ACTR3: variants seen among roughly 807,000 people sequenced by gnomAD.
ACTR3 encodes the protein actin related protein 3.
ACTR3 carries 12 observed loss-of-function variants against 56.8 expected under a neutral mutation model. The observed-to-expected ratio is 0.21, with a 90% confidence interval of 0.14 to 0.34. The LOEUF (loss-of-function observed/expected upper bound fraction) is 0.34, where lower values mean the gene tolerates loss of function less well. ACTR3 is among the 10% of genes least tolerant of loss of function. The pLI is 1.00. For synonymous variants in ACTR3, 162 were observed against 167.4 expected (o/e 0.97, Z 0.25); for missense variants, 282 against 512.5 (o/e 0.55, Z 4.34).
intron 11 of ACTR3, among the ~76,000 whole-genome samples, chr2:113,956,169 C>T (rs902512622): frequency 6.6e-6 from 1 of 151,912 alleles, no homozygotes; most frequent in African/African-American, 2.4e-5. Context: ...GCTGAGTTTA[C>T]AGGTGTGAGC....
At chr2:113,894,093 C>CT (rs142698815) in intron 1 of ACTR3, among the ~76,000 whole-genome samples, 2,814 of 143,856 alleles carry the variant, frequency 0.02, 89 homozygotes, top group African/African-American at 0.065. Context: ...AATGCTGTTT[C>CT]TTTTTTTTTT....
At chr2:113,911,937 A>G (rs1194221708) in intron 1 of ACTR3, among the ~76,000 whole-genome samples, 2 of 151,908 alleles carry the variant, frequency 1.3e-5, no homozygotes, top group East Asian at 3.9e-4. Flanking sequence ...GGGTTTCACC[A>G]TGTTGGTTAG....
Position 113,927,329 on chromosome 2 carries a change from CT to C in ACTR3, c.226-11del. Reference sequence around the variant, plus strand: ...TTAATAAGATTTAATTTGTATTTCCCTTTTTGTTTTAATAGTGGCCAATCCG... The same window carrying C: ...TTAATAAGATTTAATTTGTATTTCCCTTTTGTTTTAATAGTGGCCAATCCG... On this transcript the variant is annotated splice_polypyrimidine_tract_variant and intron_variant, in intron 3 of 11. Coordinates refer to ENST00000263238, the MANE Select transcript of ACTR3 (RefSeq NM_005721.5). 3 of 1,474,788 alleles carry C rather than the reference CT, an allele frequency of 2.0e-6. No individual in the cohort carries two copies. Among genetic ancestry groups the C allele is most frequent in the South Asian group, 2.8e-5 (2 of 71,360 alleles). The allele number at this position is 1,474,788 out of a possible 1,614,324, so 91.4% of individuals were successfully genotyped here. A position where few individuals can be genotyped will look rare whatever the true frequency, so the allele number is the denominator to read the frequency against.
At chr2:113,923,689 A>G (rs1303692364) in intron 3 of ACTR3, among the ~76,000 whole-genome samples, 4 of 145,430 alleles carry the variant, frequency 2.8e-5, no homozygotes, top group African/African-American at 2.5e-5. Flanking sequence ...TCCTTTACCC[A>G]CTACTCAAAC....
intron 8 of ACTR3, among the ~76,000 whole-genome samples, chr2:113,944,584 T>TAA (rs34378884): frequency 0.035 from 2,030 of 57,976 alleles, 100 homozygotes; most frequent in Non-Finnish European, 0.042. Context: ...CCGTCTCTAC[T>TAA]AAAAAAAAAA....
chr2:113,908,332 A>G (rs1679241287), intron 1 of ACTR3, among the ~76,000 whole-genome samples: 1 of 151,506 alleles, frequency 6.6e-6, no homozygotes, highest in African/African-American at 2.4e-5. Context: ...TATGGTGACT[A>G]TCGAATTTTT....
intron 5 of ACTR3, 67 bp downstream of exon 5, chr2:113,931,463 A>G: frequency 9.1e-7 from 1 of 1,104,050 alleles, no homozygotes; most frequent in African/African-American, 1.7e-5. Context: ...GCTGCCTAAA[A>G]TACGTACTTT....
chr2:113,956,150 C>T (rs1255434361), intron 11 of ACTR3, among the ~76,000 whole-genome samples: 3 of 151,884 alleles, frequency 2.0e-5, no homozygotes, highest in African/African-American at 7.3e-5. Context: ...CCTCAGCCTC[C>T]CAAAGAGCGC....
At position 113,929,113 on chromosome 2, in the gene ACTR3, A is replaced by G. The variant is rs76254463; in HGVS notation, c.336+1658A>G. ...ACTTTATCCATTTTCCTGTTGATGA[A>G]TACCTGGGCTATTTTTGTTTTTTTT... On this transcript the variant is annotated intron_variant, in intron 4 of 11. Transcript: ENST00000263238. Among the ~76,000 whole-genome samples, 1,059 of 150,906 alleles carry G rather than the reference A, an allele frequency of 7.0e-3. 10 individuals carry two copies. The highest frequency in any genetic ancestry group is 0.013 in the Non-Finnish European group (855 of 67,812).
intron 1 of ACTR3, among the ~76,000 whole-genome samples, chr2:113,907,547 C>G (rs72835466): frequency 5.3e-5 from 8 of 152,026 alleles, no homozygotes; most frequent in Admixed American, 2.0e-4. Context: ...GCCGTCACAC[C>G]CAGCTCATGA....
intron 7 of ACTR3, among the ~76,000 whole-genome samples, chr2:113,941,239 TATAA>T (rs1208015644): frequency 2.6e-5 from 4 of 152,186 alleles, no homozygotes; most frequent in Non-Finnish European, 4.4e-5. Flanking sequence ...GAATTAAATA[TATAA>T]AAAGTTAATG....
intron 3 of ACTR3, among the ~76,000 whole-genome samples, chr2:113,926,928 T>C (rs961125295): frequency 6.6e-6 from 1 of 152,200 alleles, no homozygotes; most frequent in Non-Finnish European, 1.5e-5. Flanking sequence ...AGGTGCACTT[T>C]TTATATTCGG....
chr2:113,951,810 A>C lies in ACTR3; in HGVS notation c.1042A>C (p.Lys348Gln). 6.2e-7 allele frequency: 1 copy of C among 1,613,612 alleles called. No homozygotes were observed. The highest frequency in any genetic ancestry group is 8.5e-7 in the Non-Finnish European group (1 of 1,179,592). Residue 348 changes from lysine to glutamine, a missense_variant, in exon 10 of 12, where the codon AAA (lysine) becomes CAA (glutamine). Coordinates refer to ENST00000263238, the MANE Select transcript of ACTR3 (RefSeq NM_005721.5). ...GAAAAGAACTGTAGATGCCCGGCTG[A>C]AATTAAGTGAGGAATTGAGTGGTGG... ...DLKRTVDARL[K>Q]LSEELSGGRL...
intron 2 of ACTR3, among the ~76,000 whole-genome samples, chr2:113,913,728 A>G (rs1679351945): frequency 6.6e-6 from 1 of 152,218 alleles, no homozygotes; most frequent in Non-Finnish European, 1.5e-5. Flanking sequence ...CTAATATCCC[A>G]TAACCATACT....
intron 1 of ACTR3, among the ~76,000 whole-genome samples, chr2:113,908,160 A>G (rs1679235045): frequency 6.6e-6 from 1 of 151,878 alleles, no homozygotes; most frequent in Non-Finnish European, 1.5e-5. Context: ...GTGTCACTGA[A>G]AAACAAGAGC....
intron 10 of ACTR3, chr2:113,952,153 A>G (rs908954181): frequency 8.6e-6 from 2 of 232,630 alleles, no homozygotes; most frequent in African/African-American, 4.5e-5. Context: ...CAAATTAATT[A>G]TGGATCCACA....
chr2:113,891,331 A>C (rs907104698), intron 1 of ACTR3, among the ~76,000 whole-genome samples: 1 of 152,154 alleles, frequency 6.6e-6, no homozygotes, highest in Non-Finnish European at 1.5e-5. Context: ...AGGGTGTTTA[A>C]GTTGCAAATA....
chr2:113,905,441 G>A (rs1373663106), intron 1 of ACTR3, among the ~76,000 whole-genome samples: 1 of 150,858 alleles, frequency 6.6e-6, no homozygotes, highest in African/African-American at 2.5e-5. Context: ...CTCCAGCCTA[G>A]GCGACAGAAC....
chr2:113,899,197 A>G (rs1313633047), intron 1 of ACTR3, among the ~76,000 whole-genome samples: 1 of 152,186 alleles, frequency 6.6e-6, no homozygotes, highest in Admixed American at 6.5e-5. Flanking sequence ...ATAATTGCTG[A>G]TAAATTCAGG....
Sources: allele counts gnomAD v4.1 joint callset (sites outside exome capture counted in the v4.1 genomes callset), GRCh38; gene constraint gnomAD v4.1.1; transcripts MANE v1.5; gene names NCBI Gene and HGNC (gene_info 2026-07-23, HGNC 2026-07-21).